C8orf34: variants seen among roughly 807,000 people sequenced by gnomAD.
C8orf34 encodes the protein uncharacterized protein C8orf34.
Under a neutral mutation model 68.3 loss-of-function variants are expected in C8orf34, and 65 were observed. The ratio of observed to expected loss-of-function variants is 0.95; its 90% confidence interval spans 0.78 to 1.17. The LOEUF (loss-of-function observed/expected upper bound fraction) is 1.17, where lower values mean the gene tolerates loss of function less well. Ranked by LOEUF, C8orf34 falls within the 50% of genes most tolerant of loss-of-function variation. C8orf34 has a pLI of 0.00. For missense variants in C8orf34, 664 were observed against 655.4 expected (o/e 1.01, Z -0.14); for synonymous variants, 244 against 241.2 (o/e 1.01, Z -0.11).
At chr8:68,678,873 A>C (rs1314093035) in intron 8 of C8orf34, among the ~76,000 whole-genome samples, 6 of 152,044 alleles carry the variant, frequency 3.9e-5, no homozygotes, top group Non-Finnish European at 4.4e-5. Flanking sequence ...AAAAAAAAAA[A>C]AAACTGTTAG....
At chr8:68,814,779 A>T (rs1423237688) in intron 12 of C8orf34, among the ~76,000 whole-genome samples, 4 of 152,208 alleles carry the variant, frequency 2.6e-5, no homozygotes, top group African/African-American at 9.6e-5. Context: ...ATGAAATGAC[A>T]ACCAAATCAA....
intron 12 of C8orf34, among the ~76,000 whole-genome samples, chr8:68,801,009 T>C (rs1824313112): frequency 6.6e-6 from 1 of 152,226 alleles, no homozygotes; most frequent in Non-Finnish European, 1.5e-5. Context: ...TTTTCTCTTC[T>C]AATTGAGATT....
intron 7 of C8orf34, among the ~76,000 whole-genome samples, chr8:68,565,901 G>T (rs1816573434): frequency 6.6e-6 from 1 of 151,956 alleles, no homozygotes; most frequent in African/African-American, 2.4e-5. Flanking sequence ...ATCCAAAATG[G>T]GTAATCATTT....
At chr8:68,414,950 A>G (rs769314333) in intron 1 of C8orf34, among the ~76,000 whole-genome samples, 2 of 152,124 alleles carry the variant, frequency 1.3e-5, no homozygotes, top group Admixed American at 6.6e-5. Flanking sequence ...GTTACAGCCA[A>G]TGGCTCCAGC....
chr8:68,360,088 G>A (rs1806920054), intron 1 of C8orf34, among the ~76,000 whole-genome samples: 1 of 152,102 alleles, frequency 6.6e-6, no homozygotes, highest in Non-Finnish European at 1.5e-5. Context: ...TTTCAGCTGT[G>A]GCTTAATTCT....
intron 10 of C8orf34, among the ~76,000 whole-genome samples, chr8:68,759,822 T>A (rs1429545566): frequency 6.6e-6 from 1 of 152,262 alleles, no homozygotes; most frequent in African/African-American, 2.4e-5. Flanking sequence ...CATGCTATAT[T>A]CACTTTCTAG....
At chr8:68,387,533 G>A (rs1808310393) in intron 1 of C8orf34, among the ~76,000 whole-genome samples, 2 of 152,168 alleles carry the variant, frequency 1.3e-5, no homozygotes, top group Admixed American at 1.3e-4. Context: ...CTTACAAATA[G>A]AGGAAGAAGG....
chr8:68,697,519 C>T (rs749777487), intron 8 of C8orf34, among the ~76,000 whole-genome samples: 2 of 152,122 alleles, frequency 1.3e-5, no homozygotes, highest in East Asian at 3.9e-4. Flanking sequence ...GAATGATAGA[C>T]TTAGTCTTAT....
At chr8:68,518,451 T>C (rs1300438514) in intron 5 of C8orf34, among the ~76,000 whole-genome samples, 2 of 152,080 alleles carry the variant, frequency 1.3e-5, no homozygotes, top group African/African-American at 4.8e-5. Context: ...ATCATAGACT[T>C]AATACATTTA....
intron 1 of C8orf34, among the ~76,000 whole-genome samples, chr8:68,333,610 GA>G (rs1805724672): frequency 6.6e-6 from 1 of 152,174 alleles, no homozygotes; most frequent in Non-Finnish European, 1.5e-5. Context: ...TGCCACCTGT[GA>G]AATGGACATT....
chr8:68,630,695 T>A (rs1368543294), intron 7 of C8orf34, among the ~76,000 whole-genome samples: 1 of 152,072 alleles, frequency 6.6e-6, no homozygotes, highest in Non-Finnish European at 1.5e-5. Context: ...TTGACTATAT[T>A]CCAAAAAAGT....
chr8:68,707,100 G>A lies in C8orf34; in HGVS notation c.1242-1894G>A, dbSNP rs565851831. Among the ~76,000 whole-genome samples, 14 of 152,288 alleles carry A rather than the reference G, an allele frequency of 9.2e-5. No homozygotes were observed. The South Asian group carries it at 2.7e-3, about 29-fold the overall frequency. Reference sequence around the variant, plus strand: ...AAGCAATTTAACTTTTATTTAGACTGTATTTCCCGGACTTGCCCATACACC... The same window carrying A: ...AAGCAATTTAACTTTTATTTAGACTATATTTCCCGGACTTGCCCATACACC... On this transcript the variant is annotated intron_variant, in intron 8 of 13. Coordinates refer to ENST00000518698, the MANE Select transcript of C8orf34 (RefSeq NM_052958.4).
intron 1 of C8orf34, among the ~76,000 whole-genome samples, chr8:68,408,811 C>T (rs575162168): frequency 6.2e-4 from 94 of 151,796 alleles, no homozygotes; most frequent in East Asian, 1.4e-3. Context: ...TTTTTTGAGA[C>T]GGAGTCTTGC....
At chr8:68,802,639 C>G (rs956039389) in intron 12 of C8orf34, among the ~76,000 whole-genome samples, 2 of 152,020 alleles carry the variant, frequency 1.3e-5, no homozygotes, top group East Asian at 3.9e-4. Flanking sequence ...GCTGGGACTA[C>G]AGGGGTATGC....
chr8:68,561,812 C>G (rs1816438934), intron 7 of C8orf34, among the ~76,000 whole-genome samples: 2 of 152,046 alleles, frequency 1.3e-5, no homozygotes, highest in African/African-American at 4.8e-5. Flanking sequence ...AACAAGGGCA[C>G]AAACACACAC....
intron 7 of C8orf34, among the ~76,000 whole-genome samples, chr8:68,560,616 C>T (rs2130159305): frequency 6.6e-6 from 1 of 152,266 alleles, no homozygotes; most frequent in East Asian, 1.9e-4. Flanking sequence ...TAAACCTGTA[C>T]AACATGTTAT....
chr8:68,443,657 C>T lies in C8orf34; in HGVS notation c.476-2672C>T, dbSNP rs994280099. On this transcript the variant is annotated intron_variant, in intron 2 of 13. Transcript: ENST00000518698. ...TCTTGACCTCGTGATCTGCCCACCT[C>T]GGCCTCCCAAAGTGCTGGGATTACA... Among the ~76,000 whole-genome samples the T allele has an allele frequency of 1.1e-3, 163 of 152,098 alleles. 1 individual carries two copies. Among genetic ancestry groups the T allele is most frequent in the African/African-American group, 3.8e-3 (159 of 41,494 alleles).
chr8:68,344,874 A>G (rs1409163874), intron 1 of C8orf34, among the ~76,000 whole-genome samples: 2 of 152,110 alleles, frequency 1.3e-5, no homozygotes, highest in African/African-American at 4.8e-5. Flanking sequence ...TGTGATATTG[A>G]TAGAAAAATA....
At chr8:68,719,574 G>T (rs527566468) in intron 9 of C8orf34, among the ~76,000 whole-genome samples, 1 of 151,916 alleles carries the variant, frequency 6.6e-6, no homozygotes, top group South Asian at 2.1e-4. Context: ...TATAGTATTT[G>T]TTGAATAAAT....
Sources: allele counts gnomAD v4.1 joint callset (sites outside exome capture counted in the v4.1 genomes callset), GRCh38; gene constraint gnomAD v4.1.1; transcripts MANE v1.5; gene names NCBI Gene and HGNC (gene_info 2026-07-23, HGNC 2026-07-21).